FGR: variants seen among roughly 807,000 people sequenced by gnomAD.
FGR encodes tyrosine-protein kinase Fgr.
A neutral mutation model predicts 63.2 loss-of-function variants in FGR; 26 were observed. That is an observed-to-expected ratio of 0.41 (90% CI 0.30 to 0.57). The LOEUF is 0.57. Ranked by LOEUF, FGR falls within the 20% of genes least tolerant of loss-of-function variation. The pLI, the probability that FGR is intolerant of heterozygous loss-of-function variation, is 0.27. For missense variants in FGR, 511 were observed against 690.8 expected, an observed-to-expected ratio of 0.74 and a Z score of 2.92; for synonymous variants, 286 against 277.7, an observed-to-expected ratio of 1.03 and a Z score of -0.30.
intron 1 of FGR, among the ~76,000 whole-genome samples, chr1:27,630,215 G>A (rs1571407521): frequency 6.6e-6 from 1 of 152,078 alleles, no homozygotes; most frequent in East Asian, 1.9e-4. Context: ...CAACACGCCT[G>A]GCTAATTTTT....
intron 11 of FGR, 37 bp downstream of exon 11, chr1:27,614,393 A>C (rs777387981): frequency 5.6e-6 from 9 of 1,598,330 alleles, no homozygotes; most frequent in Middle Eastern, 1.9e-4. Flanking sequence ...CCCTTGTTGC[A>C]TGGGGAGCTC....
chr1:27,623,716 A>G lies in FGR; in HGVS notation c.201T>C (p.Asp67=), dbSNP rs150031388. 57 of 1,614,036 alleles carry G rather than the reference A, an allele frequency of 3.5e-5. No individual in the cohort carries two copies. Among genetic ancestry groups the G allele is most frequent in the Non-Finnish European group, 4.2e-5 (49 of 1,180,038 alleles). The part of the protein sequence containing the change: ...SSQAINPGFL[D]SGTIRGVSGI... Reference sequence around the variant, plus strand: ...CTGACACACCCCTGATGGTGCCACTATCAAGGAAGCCAGGGTTGATGGCCT... The same window carrying G: ...CTGACACACCCCTGATGGTGCCACTGTCAAGGAAGCCAGGGTTGATGGCCT... The change falls in exon 3 of 13, where the codon GAT becomes GAC. Residue 67 remains aspartate, a synonymous_variant. Transcript: ENST00000374005.
intron 3 of FGR, 62 bp from the exon 4 acceptor site, chr1:27,623,206 C>A: frequency 1.6e-6 from 2 of 1,248,608 alleles, no homozygotes; most frequent in Non-Finnish European, 2.3e-6. Flanking sequence ...GGGGGCTGCA[C>A]CCCAAATTCC....
chr1:27,622,707 TG>T (rs2089952798), intron 4 of FGR, among the ~76,000 whole-genome samples: 1 of 152,198 alleles, frequency 6.6e-6, no homozygotes, highest in South Asian at 2.1e-4. Context: ...GGTTTCACCA[TG>T]TTGGCCAGGC....
At chr1:27,623,177 C>T (rs753005872) in intron 3 of FGR, 33 bp from the exon 4 acceptor site, 2 of 1,541,490 alleles carry the variant, frequency 1.3e-6, no homozygotes, top group East Asian at 4.5e-5. Flanking sequence ...CAGGGTAGGG[C>T]ATGGGGCAGA....
chr1:27,614,685 G>A, intron 10 of FGR, 102 bp from the exon 11 acceptor site: 1 of 1,440,272 alleles, frequency 6.9e-7, no homozygotes, highest in Non-Finnish European at 9.5e-7. Context: ...CTTTCCAGAG[G>A]GGGAGACTGA....
At chr1:27,627,060 C>T (rs1380554827) in intron 1 of FGR, among the ~76,000 whole-genome samples, 2 of 152,108 alleles carry the variant, frequency 1.3e-5, no homozygotes, top group East Asian at 3.9e-4. Context: ...GTAGTCCCAG[C>T]TACTCGGGAG....
chr1:27,622,530 G>A (rs939511263), intron 4 of FGR, among the ~76,000 whole-genome samples: 1 of 150,244 alleles, frequency 6.7e-6, no homozygotes, highest in Non-Finnish European at 1.5e-5. Context: ...TTTTGAAATG[G>A]AGTCTCCCTC....
At chr1:27,624,037 T>C in intron 2 of FGR, 108 bp from the exon 3 acceptor site, 1 of 943,518 alleles carries the variant, frequency 1.1e-6, no homozygotes, top group Non-Finnish European at 1.6e-6. Flanking sequence ...TGGCTTTCCC[T>C]CTTGGGCCTA....
Position 27,617,126 on chromosome 1 carries a change from T to G in FGR, c.532+67A>C. On this transcript the variant is annotated intron_variant, in intron 6 of 12. Transcript: ENST00000374005. The surrounding 1 kb of genome is among the most constrained non-coding windows in gnomAD (Gnocchi z 4.5). ...AGTCTTGGCCTTAACCCAAGCAGCC[T>G]ACCGCTCCTAGCCCTACCCCAATGG... is the stretch of plus-strand genomic sequence containing the variant. 3 of 1,596,450 alleles carry G rather than the reference T, an allele frequency of 1.9e-6. No homozygotes were observed. The highest frequency in any genetic ancestry group is 1.7e-6 in the Non-Finnish European group (2 of 1,165,480).
Position 27,613,152 on chromosome 1 carries a change from G to A in FGR, c.1382-30C>T, listed in dbSNP as rs377253112. 153 of 1,611,218 alleles carry A rather than the reference G, an allele frequency of 9.5e-5. No individual in the cohort carries two copies. In the African/African-American group the frequency reaches 1.8e-3, roughly 19 times the overall value. On this transcript the variant is annotated intron_variant, in intron 12 of 12. Transcript: ENST00000374005. ...AGGATGGGTCTCTGTCAGTCAAAGG[G>A]ACAGCCAGGTGGAAGCCCTTCCCCG...
At position 27,615,138 on chromosome 1, in the gene FGR, C is replaced by T. The variant is rs1284332513; in HGVS notation, c.1019-212G>A. Among the ~76,000 whole-genome samples the T allele has an allele frequency of 6.6e-6, 1 of 151,998 alleles. No homozygotes were observed. Among genetic ancestry groups the T allele is most frequent in the African/African-American group, 2.4e-5 (1 of 41,358 alleles). On this transcript the variant is annotated intron_variant, in intron 9 of 12. Coordinates refer to ENST00000374005, the MANE Select transcript of FGR (RefSeq NM_005248.3). This position sits in a 1 kb window ranked among gnomAD's most constrained non-coding sequence, Gnocchi z 7.6. ...TCGTTTCTTCTGTTCCTTGGTGTTC[C>T]GGACACGACCCACCCAGACTCCGCC... is the stretch of plus-strand genomic sequence containing the variant.
intron 11 of FGR, among the ~76,000 whole-genome samples, chr1:27,613,608 C>T (rs949271786): frequency 6.8e-6 from 1 of 147,780 alleles, no homozygotes; most frequent in African/African-American, 2.5e-5. Context: ...GAGGCTGCGG[C>T]AGGAGAATTG....
chr1:27,617,176 C>G lies in FGR; in HGVS notation c.532+17G>C, dbSNP rs555955405. The stretch of plus-strand genomic sequence containing the variant: ...GCTGGGCCTCCCAGTCGCCTTGGGG[C>G]GTGGCACCACCCCTACCTTTGGTGG... On this transcript the variant is annotated intron_variant, in intron 6 of 12. Transcript: ENST00000374005. This position sits in a 1 kb window ranked among gnomAD's most constrained non-coding sequence, Gnocchi z 4.5. The G allele has an allele frequency of 3.1e-6, 5 of 1,610,004 alleles. No homozygotes were observed. The South Asian group carries it at 4.4e-5, about 14-fold the overall frequency.
rs1296240172 is a variant in FGR at position 27,621,020 on chromosome 1, GAAA to G, written c.428+536_428+538del. Among the ~76,000 whole-genome samples the G allele has an allele frequency of 6.9e-4, 51 of 73,578 alleles. 1 individual carries two copies. The South Asian group carries it at 0.021, about 30-fold the overall frequency. The allele number at this position is 73,578 out of a possible 152,430, so 48.3% of individuals were successfully genotyped here. A position where few individuals can be genotyped will look rare whatever the true frequency, so the allele number is the denominator to read the frequency against. ...AAAAAAAAAAAAAAAAAAAAAAAAA[GAAA>G]GAAAGAAAGAAAAGAAAAGAAAAAC... is the stretch of plus-strand genomic sequence containing the variant. On this transcript the variant is annotated intron_variant, in intron 5 of 12. Coordinates refer to ENST00000374005, the MANE Select transcript of FGR (RefSeq NM_005248.3).
intron 2 of FGR, among the ~76,000 whole-genome samples, chr1:27,624,439 T>C (rs2089985735): frequency 6.6e-6 from 1 of 152,200 alleles, no homozygotes; most frequent in African/African-American, 2.4e-5. Flanking sequence ...GGTCTTGCTA[T>C]ATTGCTCAGG....
chr1:27,626,102 G>T (rs899238589), intron 1 of FGR: 14 of 398,676 alleles, frequency 3.5e-5, no homozygotes, highest in African/African-American at 2.7e-4. Context: ...AGAAGCTGGG[G>T]CTACCAGAGT....
chr1:27,628,060 A>G (rs1291292840), intron 1 of FGR, among the ~76,000 whole-genome samples: 1 of 151,912 alleles, frequency 6.6e-6, no homozygotes, highest in Non-Finnish European at 1.5e-5. Flanking sequence ...TTCGAGACCA[A>G]CCTGGGCAAT....
intron 11 of FGR, among the ~76,000 whole-genome samples, chr1:27,613,862 G>T (rs553345194): frequency 6.6e-6 from 1 of 152,010 alleles, no homozygotes; most frequent in Non-Finnish European, 1.5e-5. Context: ...TCCAAAAATC[G>T]CAATAATTCT....
Sources: gnomAD v4.1 joint callset for allele counts (sites outside exome capture counted in the v4.1 genomes callset) on GRCh38, gnomAD v4.1.1 for gene constraint, Gnocchi (gnomAD v3.1) non-coding constraint, MANE v1.5 for transcripts, NCBI Gene and HGNC (gene_info 2026-07-23, HGNC 2026-07-21) for gene names.